Variants in SLC8A2 observed in about 807,000 individuals in gnomAD.
SLC8A2 encodes solute carrier family 8 member A2.
In SLC8A2, 14 loss-of-function variants were observed where a neutral mutation model predicts 70.2. The observed-to-expected ratio is 0.20, with a 90% CI of 0.13 to 0.31. SLC8A2 has a LOEUF of 0.31. SLC8A2 is among the 10% of genes least tolerant of loss of function. The pLI, the probability that SLC8A2 is intolerant of heterozygous loss-of-function variation, is 1.00. For missense variants in SLC8A2, 779 were observed against 1,320.1 expected (o/e 0.59, Z 6.35); for synonymous variants, 575 against 594.3 (o/e 0.97, Z 0.47).
Position 47,448,248 on chromosome 19 carries a change from A to C in SLC8A2, c.1341-17T>G, listed in dbSNP as rs758977148. 5.1e-6 allele frequency: 8 copies of C among 1,569,236 alleles called. No homozygotes were observed. In the South Asian group the frequency reaches 9.3e-5, roughly 18 times the overall value. On this transcript the variant is annotated splice_polypyrimidine_tract_variant and intron_variant, in intron 3 of 9. Coordinates refer to ENST00000236877, the MANE Select transcript of SLC8A2 (RefSeq NM_015063.3). This position sits in a 1 kb window ranked among gnomAD's most constrained non-coding sequence, Gnocchi z 4.8. ...GTGCCCTCGCTGCGGCGGGGTGGGG[A>C]GGGGGAAGAGCGGGGTGAGGGTCGG...
chr19:47,465,716 C>G lies in SLC8A2; in HGVS notation c.675+13G>C, dbSNP rs113698925. ...CACATGCACCAAGAAAGCATCTATG[C>G]GTCTTTGCTCACCTGGACCACACCG... On this transcript the variant is annotated intron_variant, in intron 2 of 9. Coordinates refer to ENST00000236877, the MANE Select transcript of SLC8A2 (RefSeq NM_015063.3). This position sits in a 1 kb window ranked among gnomAD's most constrained non-coding sequence, Gnocchi z 5.5. 1,405 of 1,594,996 alleles carry G rather than the reference C, an allele frequency of 8.8e-4. 17 individuals are homozygous for G. In the African/African-American group the frequency reaches 0.016, roughly 18 times the overall value.
At chr19:47,469,571 T>C (rs763805633) in intron 1 of SLC8A2, among the ~76,000 whole-genome samples, 4 of 152,154 alleles carry the variant, frequency 2.6e-5, no homozygotes, top group Non-Finnish European at 5.9e-5. Flanking sequence ...CCCTTTTTCC[T>C]GCAAAACCTG....
chr19:47,428,383 TG>T lies in SLC8A2; in HGVS notation c.*1705del, dbSNP rs1186868964. 6.9e-6 allele frequency: 1 copy of T among 145,780 alleles called. No individual in the cohort carries two copies. Among genetic ancestry groups the T allele is most frequent in the African/African-American group, 2.6e-5 (1 of 38,356 alleles). The allele number at this position is 145,780 out of a possible 1,614,324, so 9.0% of individuals were successfully genotyped here. A position where few individuals can be genotyped will look rare whatever the true frequency, so the allele number is the denominator to read the frequency against. On this transcript the variant is annotated 3_prime_UTR_variant, in exon 10 of 10. Transcript: ENST00000236877. ...TGGGGGCATGGAGAGTGGAGGTGCG[TG>T]GCTTGTGGAAGCCCATGACTGATGG...
chr19:47,447,613 C>G lies in SLC8A2; in HGVS notation c.1763+196G>C, dbSNP rs1235168953. 2.5e-6 allele frequency: 1 copy of G among 395,976 alleles called. No individual in the cohort carries two copies. The highest frequency in any genetic ancestry group is 4.4e-6 in the Non-Finnish European group (1 of 227,602). 24.5% of individuals were successfully genotyped at this position (395,976 alleles called of 1,614,324 possible). A position where few individuals can be genotyped will look rare whatever the true frequency, so the allele number is the denominator to read the frequency against. On this transcript the variant is annotated intron_variant, in intron 4 of 9. Transcript: ENST00000236877. This position sits in a 1 kb window ranked among gnomAD's most constrained non-coding sequence, Gnocchi z 5.1. ...AGGGCCCAGCTGTTCAGTGAAGCCCCGCCCACGTCGTGGGCATGGGTCACA... is the reference window on the plus strand; with the variant it reads ...AGGGCCCAGCTGTTCAGTGAAGCCCGGCCCACGTCGTGGGCATGGGTCACA...
rs769251059 is a variant in SLC8A2 at position 47,441,156 on chromosome 19, T to A, written c.1885+13A>T. 6.2e-7 allele frequency: 1 copy of A among 1,613,308 alleles called. No homozygotes were observed. The highest frequency in any genetic ancestry group is 1.1e-5 in the South Asian group (1 of 91,034). The stretch of plus-strand genomic sequence containing the variant: ...CTCCTCCCCACTCAGAGCCCAGAGG[T>A]GACTTCACTCACCTTGATTGAGTAG... On this transcript the variant is annotated intron_variant, in intron 6 of 9. Coordinates refer to ENST00000236877, the MANE Select transcript of SLC8A2 (RefSeq NM_015063.3).
chr19:47,459,500 C>T (rs1441444015), intron 2 of SLC8A2, among the ~76,000 whole-genome samples: 1 of 152,004 alleles, frequency 6.6e-6, no homozygotes. Flanking sequence ...CTCTCTTGCT[C>T]CCCATCTCTG....
Position 47,430,006 on chromosome 19 carries a change from A to G in SLC8A2, c.*83T>C. The stretch of plus-strand genomic sequence containing the variant: ...AGGAGAGGAGGCCGAGTCTGGGGGG[A>G]AAAGGAGACCAGGGTCCAAGAGCAG... On this transcript the variant is annotated 3_prime_UTR_variant, in exon 10 of 10. Transcript: ENST00000236877. The surrounding 1 kb of genome is among the most constrained non-coding windows in gnomAD (Gnocchi z 5.9). The G allele has an allele frequency of 1.4e-6, 2 of 1,401,222 alleles. No homozygotes were observed. The allele number at this position is 1,401,222 out of a possible 1,614,324, so 86.8% of individuals were successfully genotyped here.
intron 2 of SLC8A2, among the ~76,000 whole-genome samples, chr19:47,464,906 G>A (rs1967438916): frequency 6.6e-6 from 1 of 152,202 alleles, no homozygotes; most frequent in African/African-American, 2.4e-5. Flanking sequence ...TGGGGTGAGC[G>A]AAAGGCTAAT....
At chr19:47,437,332 G>A (rs538063127) in intron 8 of SLC8A2, 130 bp downstream of exon 8, 6 of 679,564 alleles carry the variant, frequency 8.8e-6, no homozygotes, top group South Asian at 8.7e-5. Flanking sequence ...CAAAGCGCCA[G>A]GATTCCAGGC....
At chr19:47,442,588 T>A (rs1473748987) in intron 4 of SLC8A2, among the ~76,000 whole-genome samples, 1 of 152,152 alleles carries the variant, frequency 6.6e-6, no homozygotes, top group African/African-American at 2.4e-5. Flanking sequence ...ACCTTCTCAA[T>A]GGGGCCCACT....
rs796168964 is a variant in SLC8A2, at chr19:47,429,461, A to T, written c.*628T>A. The T allele has an allele frequency of 5.2e-5, 8 of 152,928 alleles. No individual in the cohort carries two copies. The highest frequency in any genetic ancestry group is 1.9e-4 in the African/African-American group (8 of 41,556). The allele number at this position is 152,928 out of a possible 1,614,324, so 9.5% of individuals were successfully genotyped here. A position where few individuals can be genotyped will look rare whatever the true frequency, so the allele number is the denominator to read the frequency against. On this transcript the variant is annotated 3_prime_UTR_variant, in exon 10 of 10. Transcript: ENST00000236877. ...CCCCAAACTTCTCCCCTCGTCTCCG[A>T]GCCTGGAGAATGAGTGTCCTCCCAA...
intron 4 of SLC8A2, among the ~76,000 whole-genome samples, chr19:47,444,142 A>C (rs1002899338): frequency 4.0e-5 from 6 of 151,858 alleles, no homozygotes; most frequent in African/African-American, 1.5e-4. Context: ...TGATCCTCCC[A>C]CCTTGGCCTC....
chr19:47,452,031 G>A (rs1284814326), intron 3 of SLC8A2, among the ~76,000 whole-genome samples: 1 of 152,126 alleles, frequency 6.6e-6, no homozygotes, highest in Non-Finnish European at 1.5e-5. Context: ...AACACGGGCT[G>A]TGCATCACTC....
Position 47,430,505 on chromosome 19 carries a change from C to T in SLC8A2, c.2390-40G>A, listed in dbSNP as rs753701388. On this transcript the variant is annotated intron_variant, in intron 9 of 9. Coordinates refer to ENST00000236877, the MANE Select transcript of SLC8A2 (RefSeq NM_015063.3). The surrounding 1 kb of genome is among the most constrained non-coding windows in gnomAD (Gnocchi z 5.9). ...CATACAGGTCGGAGGGGCTTTGCGC[C>T]GCCACCCACAGGGGCGGGCATCCGC... The T allele has an allele frequency of 9.1e-6, 14 of 1,535,446 alleles. No homozygotes were observed. The highest frequency in any genetic ancestry group is 1.1e-5 in the Non-Finnish European group (13 of 1,145,280).
intron 3 of SLC8A2, among the ~76,000 whole-genome samples, chr19:47,453,975 A>G (rs1397114487): frequency 1.3e-5 from 2 of 152,042 alleles, no homozygotes; most frequent in Non-Finnish European, 2.9e-5. Context: ...GCAAAAACCC[A>G]TCTTTACAAA....
At chr19:47,443,231 G>C (rs1467336421) in intron 4 of SLC8A2, among the ~76,000 whole-genome samples, 1 of 152,116 alleles carries the variant, frequency 6.6e-6, no homozygotes, top group East Asian at 1.9e-4. Context: ...ACCAGATCTG[G>C]AGAGTTAACC....
Position 47,447,844 on chromosome 19 carries a change from C to G in SLC8A2, c.1728G>C (p.Ala576=). ...ARGGGVHYED[A]CGELEFGDDE... Reference sequence around the variant, plus strand: ...CGTCGCCAAACTCCAGCTCTCCGCACGCGTCCTCGTAGTGCACGCCGCCGC... The same window carrying G: ...CGTCGCCAAACTCCAGCTCTCCGCAGGCGTCCTCGTAGTGCACGCCGCCGC... Residue 576 remains alanine (A), a synonymous_variant, in exon 4 of 10, where the codon GCG becomes GCC. Coordinates refer to ENST00000236877, the MANE Select transcript of SLC8A2 (RefSeq NM_015063.3). The surrounding 1 kb of genome is among the most constrained non-coding windows in gnomAD (Gnocchi z 5.1). 2 of 1,595,642 alleles carry G rather than the reference C, an allele frequency of 1.3e-6. No homozygotes were observed. The highest frequency in any genetic ancestry group is 1.7e-6 in the Non-Finnish European group (2 of 1,176,404).
chr19:47,452,397 G>GGAGAGA lies in SLC8A2; in HGVS notation c.1341-4172_1341-4167dup, dbSNP rs56184564. Among the ~76,000 whole-genome samples the GGAGAGA allele has an allele frequency of 1.3e-3, 82 of 65,474 alleles. 1 individual carries two copies. Among genetic ancestry groups the GGAGAGA allele is most frequent in the East Asian group, 6.1e-3 (12 of 1,956 alleles). The allele number at this position is 65,474 out of a possible 152,430, so 43.0% of individuals were successfully genotyped here. On this transcript the variant is annotated intron_variant, in intron 3 of 9. Transcript: ENST00000236877. ...GCCCAGCTTATATATATATATATAT[G>GGAGAGA]GAGAGAGAGAGAGAGAGAGAGAGAG...
chr19:47,428,144 T>C lies in SLC8A2; in HGVS notation c.*1945A>G, dbSNP rs1966897783. 2 of 152,376 alleles carry C rather than the reference T, an allele frequency of 1.3e-5. No homozygotes were observed. Among genetic ancestry groups the C allele is most frequent in the East Asian group, 1.9e-4 (1 of 5,188 alleles). The allele number at this position is 152,376 out of a possible 1,614,324, so 9.4% of individuals were successfully genotyped here. On this transcript the variant is annotated 3_prime_UTR_variant, in exon 10 of 10. Transcript: ENST00000236877. ...ATAAAGAGAAACAGTTTGTGGCTCA[T>C]GCATGGGGGCGTGGCTAGTGGAAGC... is the stretch of plus-strand genomic sequence containing the variant.
Sources: gnomAD v4.1 joint callset for allele counts (sites outside exome capture counted in the v4.1 genomes callset) on GRCh38, gnomAD v4.1.1 for gene constraint, Gnocchi (gnomAD v3.1) non-coding constraint, MANE v1.5 for transcripts, NCBI Gene and HGNC (gene_info 2026-07-23, HGNC 2026-07-21) for gene names.